STIM1: variants seen among roughly 807,000 people sequenced by gnomAD.
STIM1 encodes the protein stromal interaction molecule 1.
Under a neutral mutation model 74.7 loss-of-function variants are expected in STIM1, and 25 were observed. The ratio of observed to expected loss-of-function variants is 0.33; its 90% CI spans 0.24 to 0.47. The LOEUF is 0.47. STIM1 is among the 20% of genes least tolerant of loss of function. STIM1 has a pLI of 1.00. For synonymous variants in STIM1, 328 were observed against 348.8 expected (o/e 0.94, Z 0.66); for missense variants, 728 against 920.8 (o/e 0.79, Z 2.71).
intron 1 of STIM1, among the ~76,000 whole-genome samples, chr11:3,868,705 A>G (rs2090963621): frequency 6.6e-6 from 1 of 152,176 alleles, no homozygotes; most frequent in Non-Finnish European, 1.5e-5. Flanking sequence ...AGTAGGTAGT[A>G]CCTAGCTACA....
At chr11:4,030,936 A>C (rs1306527425) in intron 3 of STIM1, among the ~76,000 whole-genome samples, 1 of 152,128 alleles carries the variant, frequency 6.6e-6, no homozygotes, top group Non-Finnish European at 1.5e-5. Flanking sequence ...AAAAGGTGTA[A>C]ATCTCTAAAG....
At chr11:3,911,806 C>T (rs1036896433) in intron 1 of STIM1, among the ~76,000 whole-genome samples, 3 of 152,332 alleles carry the variant, frequency 2.0e-5, no homozygotes, top group East Asian at 1.9e-4. Flanking sequence ...ACTCTCCTAT[C>T]ATACTTTATA....
rs1416141142 is a variant in STIM1 at position 3,897,619 on chromosome 11, G to A, written c.139+41210G>A. ...GCTGGTGTGCTGCACCCATTAACTC[G>A]TCATTTAGCATTAGGTATATCTCCT... On this transcript the variant is annotated intron_variant, in intron 1 of 12. Coordinates refer to ENST00000526596, the MANE Select transcript of STIM1 (RefSeq NM_001382567.1). 2.6e-5 allele frequency among the ~76,000 whole-genome samples: 4 copies of A among 151,964 alleles called. No individual in the cohort carries two copies. In the South Asian group the frequency reaches 8.3e-4, roughly 32 times the overall value.
chr11:3,978,380 T>C (rs1387002588), intron 2 of STIM1, among the ~76,000 whole-genome samples: 1 of 150,154 alleles, frequency 6.7e-6, no homozygotes, highest in Non-Finnish European at 1.5e-5. Context: ...ACTTCTGACC[T>C]CAGGTGATCT....
chr11:3,887,652 C>T (rs995147443), intron 1 of STIM1, among the ~76,000 whole-genome samples: 10 of 152,006 alleles, frequency 6.6e-5, no homozygotes, highest in Admixed American at 3.3e-4. Flanking sequence ...CCTTTCATTT[C>T]GTTTTCAGAT....
chr11:3,936,481 G>T (rs1417531104), intron 1 of STIM1, among the ~76,000 whole-genome samples: 1 of 152,206 alleles, frequency 6.6e-6, no homozygotes, highest in Non-Finnish European at 1.5e-5. Flanking sequence ...GCAGAACAAC[G>T]TGCCTTTTGC....
At chr11:3,917,568 G>A (rs986037511) in intron 1 of STIM1, among the ~76,000 whole-genome samples, 2 of 151,714 alleles carry the variant, frequency 1.3e-5, no homozygotes, top group Non-Finnish European at 2.9e-5. Flanking sequence ...TCAAGTAGCT[G>A]GGACTACAGG....
chr11:4,086,958 G>A (rs2094497615), intron 12 of STIM1: 2 of 1,440,494 alleles, frequency 1.4e-6, no homozygotes, highest in Non-Finnish European at 1.8e-6. Flanking sequence ...CAACTCTGGG[G>A]GTGTGTGCAG....
intron 3 of STIM1, among the ~76,000 whole-genome samples, chr11:4,042,483 T>G (rs2094155713): frequency 6.6e-6 from 1 of 152,236 alleles, no homozygotes; most frequent in Admixed American, 6.5e-5. Context: ...GATCTGTGAC[T>G]GTTTTGTGTA....
chr11:4,055,555 C>T lies in STIM1; in HGVS notation c.415C>T (p.Gln139Ter), dbSNP rs1391325344. ...VYNWTVDEVV[Q>*]WLITYVELPQ... ...CAATTGGACCGTGGATGAGGTGGTA[C>T]AGTGGCTGATCACATATGTGGAGCT... The change falls in exon 4 of 13, where the codon CAG (glutamine) becomes TAG (stop). Residue 139 changes from glutamine to a stop codon, truncating the protein, a stop_gained. Coordinates refer to ENST00000526596, the MANE Select transcript of STIM1 (RefSeq NM_001382567.1). LOFTEE classifies it high-confidence loss of function. 1 of 1,601,078 alleles carries T rather than the reference C, an allele frequency of 6.2e-7. No individual in the cohort carries two copies. Among genetic ancestry groups the T allele is most frequent in the South Asian group, 1.1e-5 (1 of 88,276 alleles).
chr11:3,913,390 G>C (rs895191186), intron 1 of STIM1, among the ~76,000 whole-genome samples: 4 of 151,722 alleles, frequency 2.6e-5, no homozygotes, highest in Admixed American at 2.6e-4. Context: ...GTCTCACGAT[G>C]TTACCCAGGC....
At chr11:3,996,445 AG>A (rs2135880602) in intron 2 of STIM1, among the ~76,000 whole-genome samples, 1 of 152,334 alleles carries the variant, frequency 6.6e-6, no homozygotes, top group East Asian at 1.9e-4. Context: ...CCCACCTTTT[AG>A]CTGCACTCAC....
chr11:4,001,731 T>C (rs1420822199), intron 2 of STIM1, among the ~76,000 whole-genome samples: 1 of 150,864 alleles, frequency 6.6e-6, no homozygotes, highest in African/African-American at 2.4e-5. Flanking sequence ...AATTCACACA[T>C]AACAATATTA....
At chr11:3,995,475 A>G (rs1005108768) in intron 2 of STIM1, among the ~76,000 whole-genome samples, 3 of 152,078 alleles carry the variant, frequency 2.0e-5, no homozygotes, top group Admixed American at 1.3e-4. Context: ...CAGAACTTTG[A>G]CTGTCTCTTT....
At chr11:3,989,011 G>T (rs2093583449) in intron 2 of STIM1, among the ~76,000 whole-genome samples, 1 of 152,182 alleles carries the variant, frequency 6.6e-6, no homozygotes, top group Non-Finnish European at 1.5e-5. Context: ...ACACTTAAAA[G>T]ATGGGATGAG....
At chr11:3,994,570 T>C (rs758981685) in intron 2 of STIM1, among the ~76,000 whole-genome samples, 12 of 151,496 alleles carry the variant, frequency 7.9e-5, no homozygotes, top group Non-Finnish European at 1.5e-4. Flanking sequence ...GCGATTCTCA[T>C]GTCTCAGCCT....
Position 4,091,393 on chromosome 11 carries a change from G to A in STIM1, c.1746G>A (p.Met582Ile). The A allele has an allele frequency of 6.2e-7, 1 of 1,614,182 alleles. No individual in the cohort carries two copies. The highest frequency in any genetic ancestry group is 8.5e-7 in the Non-Finnish European group (1 of 1,180,032). ...CTGCAGACGAGGCTCTCAATGCCAT[G>A]ACTTCCAATGGCAGCCACCGGCTGA... ...SRAADEALNA[M>I]TSNGSHRLIE... The change falls in exon 13 of 13, where the codon ATG becomes ATA. Residue 582 changes from methionine to isoleucine, a missense_variant. Physicochemically the swap from Met to Ile is conservative, Grantham distance 10. Coordinates refer to ENST00000526596, the MANE Select transcript of STIM1 (RefSeq NM_001382567.1).
chr11:4,044,361 T>C (rs1174116679), intron 3 of STIM1, among the ~76,000 whole-genome samples: 1 of 151,278 alleles, frequency 6.6e-6, no homozygotes, highest in Non-Finnish European at 1.5e-5. Flanking sequence ...TCTTCCTCAC[T>C]CTGGCCCAGG....
At chr11:3,875,208 G>C (rs2091269200) in intron 1 of STIM1, among the ~76,000 whole-genome samples, 2 of 152,064 alleles carry the variant, frequency 1.3e-5, no homozygotes, top group Admixed American at 1.3e-4. Flanking sequence ...CCTTGCATTT[G>C]GGGCTTATAC....
Sources: allele counts gnomAD v4.1 joint callset (sites outside exome capture counted in the v4.1 genomes callset), GRCh38; gene constraint gnomAD v4.1.1; transcripts MANE v1.5; gene names NCBI Gene and HGNC (gene_info 2026-07-23, HGNC 2026-07-21).